The following SLC30A4 variants were observed in gnomAD, a reference collection of about 807,000 sequenced individuals.
SLC30A4 encodes probable proton-coupled zinc antiporter SLC30A4.
In SLC30A4, 20 loss-of-function variants were observed where a neutral mutation model predicts 41.7. The ratio of observed to expected loss-of-function variants is 0.48; its 90% CI spans 0.34 to 0.70. SLC30A4 has a LOEUF of 0.70. Among genes scored for constraint, SLC30A4 ranks in the 30% least tolerant of loss-of-function variants. The pLI, the probability that SLC30A4 is intolerant of heterozygous loss-of-function variation, is 0.01. For synonymous variants in SLC30A4, 181 were observed against 195.9 expected (o/e 0.92, Z 0.64); for missense variants, 441 against 529.3 (o/e 0.83, Z 1.64).
At position 45,522,065 on chromosome 15, in the gene SLC30A4, T is replaced by C. The variant is rs143806143; in HGVS notation, c.290A>G (p.Asn97Ser). The change falls in exon 2 of 8, where the codon AAC (asparagine) becomes AGC (serine). Residue 97 changes from asparagine (N) to serine (S), a missense_variant. This residue lies in a region of SLC30A4 where 312 missense variants were observed against 341.9 expected (regional missense o/e 0.91). Transcript: ENST00000261867. ...QLSLKVDSCD[N>S]CSKQREILKQ... ...CAGTATCTCTCTCTGTTTGCTGCAG[T>C]TGTCACAGGAGTCCACCTTCAAACT... is the stretch of plus-strand genomic sequence containing the variant. The C allele has an allele frequency of 8.3e-4, 1,336 of 1,614,074 alleles. 1 individual carries two copies. Among genetic ancestry groups the C allele is most frequent in the South Asian group, 1.1e-3 (103 of 91,084 alleles).
intron 3 of SLC30A4, among the ~76,000 whole-genome samples, chr15:45,509,487 C>T (rs1892233250): frequency 6.6e-6 from 1 of 152,102 alleles, no homozygotes; most frequent in Admixed American, 6.6e-5. Flanking sequence ...CTCCTGATCT[C>T]AGGTGATCCG....
chr15:45,498,463 A>T (rs1891951292), intron 3 of SLC30A4, among the ~76,000 whole-genome samples: 1 of 152,168 alleles, frequency 6.6e-6, no homozygotes, highest in Non-Finnish European at 1.5e-5. Context: ...TTTGTATTTC[A>T]ACTCAGGCTA....
chr15:45,498,340 C>T (rs1330485413), intron 3 of SLC30A4, among the ~76,000 whole-genome samples: 6 of 152,034 alleles, frequency 3.9e-5, no homozygotes, highest in Admixed American at 3.9e-4. Context: ...CGTTGAGCAC[C>T]CCTAATGAGA....
At chr15:45,500,331 C>T (rs914867700) in intron 3 of SLC30A4, among the ~76,000 whole-genome samples, 2 of 152,156 alleles carry the variant, frequency 1.3e-5, no homozygotes, top group African/African-American at 4.8e-5. Context: ...CACAATTCTG[C>T]AATACAAATA....
chr15:45,501,203 G>A lies in SLC30A4; in HGVS notation c.538+9935C>T, dbSNP rs554180469. 1.4e-3 allele frequency among the ~76,000 whole-genome samples: 215 copies of A among 151,954 alleles called. 2 individuals are homozygous for A. Among genetic ancestry groups the A allele is most frequent in the African/African-American group, 5.0e-3 (206 of 41,526 alleles). On this transcript the variant is annotated intron_variant, in intron 3 of 7. Coordinates refer to ENST00000261867, the MANE Select transcript of SLC30A4 (RefSeq NM_013309.6). The stretch of plus-strand genomic sequence containing the variant: ...GGCGCCTGTAGTCCCAGCTACTCGG[G>A]AGGCTGAGGCAGGAGAATGGCGTGA...
At position 45,510,340 on chromosome 15, in the gene SLC30A4, A is replaced by G. The variant is rs186917600; in HGVS notation, c.538+798T>C. ...AGTCTAAGTTTTTTTAGGCTAAAAA[A>G]TAAAAAAGATGATGAGGAATTGATT... On this transcript the variant is annotated intron_variant, in intron 3 of 7. Coordinates refer to ENST00000261867, the MANE Select transcript of SLC30A4 (RefSeq NM_013309.6). Among the ~76,000 whole-genome samples the G allele has an allele frequency of 2.8e-3, 425 of 152,344 alleles. 1 individual carries two copies. The highest frequency in any genetic ancestry group is 9.7e-3 in the African/African-American group (405 of 41,582).
rs1566881191 is a variant in SLC30A4 at position 45,511,339 on chromosome 15, GCAAT to G, written c.392-59_392-56del. On this transcript the variant is annotated intron_variant, in intron 2 of 7. Coordinates refer to ENST00000261867, the MANE Select transcript of SLC30A4 (RefSeq NM_013309.6). ...ACAAGTTAATTTTTTAAAAAAGCAA[GCAAT>G]CAAACTAGAAATATGCAATATCCTA... The G allele has an allele frequency of 5.3e-6, 7 of 1,311,538 alleles. No individual in the cohort carries two copies. The South Asian group carries it at 1.1e-4, about 21-fold the overall frequency. 81.2% of individuals were successfully genotyped at this position (1,311,538 alleles called of 1,614,324 possible). A position where few individuals can be genotyped will look rare whatever the true frequency, so the allele number is the denominator to read the frequency against.
At chr15:45,510,560 A>G (rs1892265012) in intron 3 of SLC30A4, among the ~76,000 whole-genome samples, 1 of 152,266 alleles carries the variant, frequency 6.6e-6, no homozygotes, top group Non-Finnish European at 1.5e-5. Context: ...CAAAATAAGC[A>G]AAAAATTTAA....
At chr15:45,522,555 A>C in intron 1 of SLC30A4, 52 bp downstream of exon 1, 1 of 492,016 alleles carries the variant, frequency 2.0e-6, no homozygotes, top group Non-Finnish European at 3.5e-6. Context: ...CGCAGGGCCG[A>C]CCCCGACGCT....
chr15:45,496,655 A>C (rs1891911791), intron 3 of SLC30A4, among the ~76,000 whole-genome samples: 1 of 151,936 alleles, frequency 6.6e-6, no homozygotes, highest in Admixed American at 6.6e-5. Flanking sequence ...CTTTAAGTGA[A>C]CTTGAATGGT....
rs1329029384 is a variant in SLC30A4, at chr15:45,486,748, A to AT, written c.1001-4dup. On this transcript the variant is annotated splice_region_variant and splice_polypyrimidine_tract_variant and intron_variant, in intron 6 of 7. Transcript: ENST00000261867. Reference sequence around the variant, plus strand: ...TACATTCAAATGGCTTGGCACACCTATTAGGAATATATAATTTCTAAGTAA... The same window carrying AT: ...TACATTCAAATGGCTTGGCACACCTATTTAGGAATATATAATTTCTAAGTAA... 10 of 1,457,878 alleles carry AT rather than the reference A, an allele frequency of 6.9e-6. No individual in the cohort carries two copies. The highest frequency in any genetic ancestry group is 9.2e-6 in the Non-Finnish European group (10 of 1,086,608). The allele number at this position is 1,457,878 out of a possible 1,614,324, so 90.3% of individuals were successfully genotyped here. A position where few individuals can be genotyped will look rare whatever the true frequency, so the allele number is the denominator to read the frequency against.
chr15:45,482,537 T>G lies in SLC30A4; in HGVS notation c.*2626A>C, dbSNP rs1205065740. 6.6e-6 allele frequency: 1 copy of G among 152,140 alleles called. No individual in the cohort carries two copies. Among genetic ancestry groups the G allele is most frequent in the Non-Finnish European group, 1.5e-5 (1 of 68,020 alleles). The allele number at this position is 152,140 out of a possible 1,614,324, so 9.4% of individuals were successfully genotyped here. A position where few individuals can be genotyped will look rare whatever the true frequency, so the allele number is the denominator to read the frequency against. The stretch of plus-strand genomic sequence containing the variant: ...ATGCCTTTATAAGATAAAGAAAAGT[T>G]TACAAGAAACAAGCTCAATAGATAT... On this transcript the variant is annotated 3_prime_UTR_variant, in exon 8 of 8. Transcript: ENST00000261867.
intron 3 of SLC30A4, among the ~76,000 whole-genome samples, chr15:45,510,024 A>G (rs1354077863): frequency 1.3e-5 from 2 of 152,076 alleles, no homozygotes; most frequent in Admixed American, 1.3e-4. Flanking sequence ...GTGAGCTGAG[A>G]TCACACCACT....
In SLC30A4 at chr15:45,495,225, G is replaced by A. The variant is rs541222820; in HGVS notation, c.539-4344C>T. Among the ~76,000 whole-genome samples, 9 of 152,082 alleles carry A rather than the reference G, an allele frequency of 5.9e-5. No individual in the cohort carries two copies. The East Asian group carries it at 1.2e-3, about 20-fold the overall frequency. ...CCACATAAGTTAATGACATAGAGAT[G>A]TGCTTGGTTATGAAAATTTAAAATT... On this transcript the variant is annotated intron_variant, in intron 3 of 7. Coordinates refer to ENST00000261867, the MANE Select transcript of SLC30A4 (RefSeq NM_013309.6).
Position 45,485,550 on chromosome 15 carries a change from T to C in SLC30A4, c.1136-233A>G, listed in dbSNP as rs183341976. On this transcript the variant is annotated intron_variant, in intron 7 of 7. Transcript: ENST00000261867. The stretch of plus-strand genomic sequence containing the variant: ...TAGAGAAAAAATACCAGACATCAGT[T>C]ACAAACCTGTCATTAAAATATCTTG... Among the ~76,000 whole-genome samples, 52 of 152,274 alleles carry C rather than the reference T, an allele frequency of 3.4e-4. 1 individual carries two copies. The highest frequency in any genetic ancestry group is 2.5e-3 in the Admixed American group (38 of 15,286).
chr15:45,505,198 T>C (rs1892126160), intron 3 of SLC30A4, among the ~76,000 whole-genome samples: 1 of 139,188 alleles, frequency 7.2e-6, no homozygotes. Flanking sequence ...GCCATTGCAC[T>C]CCAGCGTGGG....
intron 3 of SLC30A4, among the ~76,000 whole-genome samples, chr15:45,508,237 GTAAGA>G (rs1892201176): frequency 6.6e-6 from 1 of 152,154 alleles, no homozygotes; most frequent in African/African-American, 2.4e-5. Context: ...TCTGGTAAAA[GTAAGA>G]CTTATTTTGG....
At position 45,521,989 on chromosome 15, in the gene SLC30A4, C is replaced by T. The variant is rs781735434; in HGVS notation, c.366G>A (p.Leu122=). The T allele has an allele frequency of 1.2e-6, 2 of 1,613,926 alleles. No individual in the cohort carries two copies. Among genetic ancestry groups the T allele is most frequent in the South Asian group, 1.1e-5 (1 of 91,072 alleles). Residue 122 remains leucine, a synonymous_variant, in exon 2 of 8, where the codon TTG becomes TTA. Transcript: ENST00000261867. ...ARLTIAAVLY[L]LFMIGELVGG... is the part of the protein sequence containing the mutation. ...CTACAAGTTCTCCAATCATGAAAAG[C>T]AAGTACAGAACGGCAGCAATGGTCA...
chr15:45,517,039 T>A (rs1892500114), intron 2 of SLC30A4, among the ~76,000 whole-genome samples: 1 of 152,188 alleles, frequency 6.6e-6, no homozygotes, highest in African/African-American at 2.4e-5. Flanking sequence ...TCATTTTCAA[T>A]AAAAATGCAG....
Sources: allele counts gnomAD v4.1 joint callset (sites outside exome capture counted in the v4.1 genomes callset), GRCh38; gene constraint gnomAD v4.1.1; regional missense constraint gnomAD v4.1.1; transcripts MANE v1.5; gene names NCBI Gene and HGNC (gene_info 2026-07-23, HGNC 2026-07-21).